Variants in GRAMD1B observed in about 807,000 individuals in gnomAD.
GRAMD1B encodes protein Aster-B.
Under a neutral mutation model 99.7 loss-of-function variants are expected in GRAMD1B, and 37 were observed. That is an observed-to-expected ratio of 0.37 (90% CI 0.29 to 0.49). The LOEUF is 0.49. Among genes scored for constraint, GRAMD1B ranks in the 20% least tolerant of loss-of-function variants. GRAMD1B has a pLI of 0.98. For missense variants in GRAMD1B, 888 were observed against 1,009.2 expected (o/e 0.88, Z 1.63); for synonymous variants, 427 against 387.6 (o/e 1.10, Z -1.19).
At position 123,383,234 on chromosome 11, in the gene GRAMD1B, C is replaced by G. The variant is rs556393682; in HGVS notation, c.-176+24435C>G. On this transcript the variant is annotated intron_variant, in intron 1 of 20. Coordinates refer to the GRAMD1B transcript ENST00000638157. ...TCTCTCTCTCTCTCTCTCTCTCTCT[C>G]TCATTTCACCTATTCTGCTTCTTTC... Among the ~76,000 whole-genome samples, 7 of 150,980 alleles carry G rather than the reference C, an allele frequency of 4.6e-5. No individual in the cohort carries two copies. In the East Asian group the frequency reaches 1.4e-3, roughly 29 times the overall value.
chr11:123,400,254 A>G (rs910646818), intron 1 of GRAMD1B, among the ~76,000 whole-genome samples: 3 of 152,168 alleles, frequency 2.0e-5, no homozygotes, highest in Non-Finnish European at 1.5e-5. Flanking sequence ...AGGCAGGCAG[A>G]TCACCTGAGG....
intron 2 of GRAMD1B, among the ~76,000 whole-genome samples, chr11:123,485,946 C>CCTCAAGCAATCCACCTGCCT (rs1268682233): frequency 6.6e-6 from 1 of 152,072 alleles, no homozygotes; most frequent in East Asian, 1.9e-4. Flanking sequence ...GAACTCCTGA[C>CCTCAAGCAATCCACCTGCCT]CTCAAGCAAT....
intron 1 of GRAMD1B, among the ~76,000 whole-genome samples, chr11:123,437,434 G>A (rs1949212673): frequency 6.6e-6 from 1 of 152,164 alleles, no homozygotes; most frequent in Non-Finnish European, 1.5e-5. Context: ...CGACGGGTGA[G>A]TGAGTTGGGT....
chr11:123,562,234 C>G (rs535114497), intron 2 of GRAMD1B, among the ~76,000 whole-genome samples: 1 of 152,126 alleles, frequency 6.6e-6, no homozygotes, highest in Non-Finnish European at 1.5e-5. Context: ...TCCCACACCC[C>G]CTCCCTGCTT....
Position 123,490,058 on chromosome 11 carries a change from C to T in GRAMD1B, c.452+9165C>T, listed in dbSNP as rs372163597. Among the ~76,000 whole-genome samples, 36 of 152,172 alleles carry T rather than the reference C, an allele frequency of 2.4e-4. 2 individuals carry two copies. Among genetic ancestry groups the T allele is most frequent in the Admixed American group, 1.2e-3 (19 of 15,288 alleles). ...CCAGTCTGGGCGTAGAGCAAGCCCC[C>T]GTCTCAAAAAAGTAAAGAAAGAGCA... On this transcript the variant is annotated intron_variant, in intron 2 of 19. Coordinates refer to ENST00000635736, the MANE Select transcript of GRAMD1B (RefSeq NM_001387025.1).
intron 1 of GRAMD1B, among the ~76,000 whole-genome samples, chr11:123,470,469 G>C (rs895443280): frequency 6.6e-6 from 1 of 150,778 alleles, no homozygotes; most frequent in Admixed American, 6.6e-5. Flanking sequence ...ACAGGCATGA[G>C]CAACCATGCC....
chr11:123,584,298 T>C lies in GRAMD1B; in HGVS notation c.664-14T>C. 1.0e-6 allele frequency: 1 copy of C among 990,188 alleles called. No homozygotes were observed. The highest frequency in any genetic ancestry group is 1.3e-6 in the Non-Finnish European group (1 of 770,718). 61.3% of individuals were successfully genotyped at this position (990,188 alleles called of 1,614,324 possible). On this transcript the variant is annotated splice_polypyrimidine_tract_variant and intron_variant, in intron 3 of 19. Coordinates refer to ENST00000635736, the MANE Select transcript of GRAMD1B (RefSeq NM_001387025.1). ...CTGACTAATTCTACCTTCTCTTTCA[T>C]TTTCTCTTTTCAGAAAAGCCAGAGT...
At chr11:123,439,916 T>C (rs762919463) in intron 1 of GRAMD1B, among the ~76,000 whole-genome samples, 6 of 152,186 alleles carry the variant, frequency 3.9e-5, no homozygotes, top group Non-Finnish European at 5.9e-5. Flanking sequence ...CAGGAAATGA[T>C]GGAGCTGAGG....
chr11:123,488,930 A>G (rs2846317), intron 2 of GRAMD1B, among the ~76,000 whole-genome samples: 64,709 of 148,008 alleles, frequency 0.44, 15,821 homozygotes, highest in African/African-American at 0.68. Context: ...GAAAATAGTT[A>G]GGGGGGGGCG....
rs1166793490 is a variant in GRAMD1B, at chr11:123,539,188, A to G, written c.453-38179A>G. Among the ~76,000 whole-genome samples, 3 of 152,174 alleles carry G rather than the reference A, an allele frequency of 2.0e-5. No homozygotes were observed. The East Asian group carries it at 5.8e-4, about 30-fold the overall frequency. On this transcript the variant is annotated intron_variant, in intron 2 of 19. Coordinates refer to ENST00000635736, the MANE Select transcript of GRAMD1B (RefSeq NM_001387025.1). ...TGTTACAATGAACCATAATCATGCT[A>G]CTATACTCTAGCCAGGGTGACAGGG...
chr11:123,504,737 C>T (rs1591739943), intron 2 of GRAMD1B, among the ~76,000 whole-genome samples: 2 of 152,202 alleles, frequency 1.3e-5, no homozygotes, highest in South Asian at 4.2e-4. Context: ...CCTGGAGTGC[C>T]ATGGTGCAAT....
At chr11:123,392,461 A>G (rs1336450909) in intron 1 of GRAMD1B, among the ~76,000 whole-genome samples, 2 of 151,632 alleles carry the variant, frequency 1.3e-5, no homozygotes, top group African/African-American at 4.8e-5. Context: ...AGGTTGGTTG[A>G]CTCAGATTAC....
At chr11:123,545,230 G>A (rs576176736) in intron 2 of GRAMD1B, among the ~76,000 whole-genome samples, 4 of 152,330 alleles carry the variant, frequency 2.6e-5, no homozygotes, top group African/African-American at 9.6e-5. Flanking sequence ...TGAAGTGGGA[G>A]GACTGCAGGC....
intron 1 of GRAMD1B, among the ~76,000 whole-genome samples, chr11:123,370,107 G>T (rs1946472440): frequency 1.3e-5 from 2 of 151,666 alleles, no homozygotes; most frequent in South Asian, 4.2e-4. Context: ...TTGATGTCAG[G>T]AGTTCGAGAC....
At chr11:123,468,855 T>C (rs2846322) in intron 1 of GRAMD1B, among the ~76,000 whole-genome samples, 117,724 of 148,974 alleles carry the variant, frequency 0.79, 47,031 homozygotes, top group African/African-American at 0.89. Context: ...TGGGTGGTGG[T>C]CACCAAGGAA....
chr11:123,481,536 C>T (rs1951608891), intron 2 of GRAMD1B, among the ~76,000 whole-genome samples: 2 of 152,244 alleles, frequency 1.3e-5, no homozygotes, highest in South Asian at 4.2e-4. Context: ...CAATGTGGGT[C>T]AGGAGGTGAA....
At chr11:123,436,760 T>C (rs1949178445) in intron 1 of GRAMD1B, among the ~76,000 whole-genome samples, 1 of 152,216 alleles carries the variant, frequency 6.6e-6, no homozygotes, top group African/African-American at 2.4e-5. Context: ...GGCACAATTT[T>C]TTTTTATTAT....
intron 1 of GRAMD1B, among the ~76,000 whole-genome samples, chr11:123,447,093 T>G (rs1212372936): frequency 6.6e-6 from 1 of 152,078 alleles, no homozygotes; most frequent in African/African-American, 2.4e-5. Context: ...GCATATGGCA[T>G]TCAGACTAAA....
chr11:123,576,395 T>G (rs543344947), intron 2 of GRAMD1B, among the ~76,000 whole-genome samples: 1 of 152,326 alleles, frequency 6.6e-6, no homozygotes, highest in South Asian at 2.1e-4. Context: ...TGCTGGCACT[T>G]TCTACTTAGC....
Sources: allele counts gnomAD v4.1 joint callset (sites outside exome capture counted in the v4.1 genomes callset), GRCh38; gene constraint gnomAD v4.1.1; transcripts MANE v1.5; gene names NCBI Gene and HGNC (gene_info 2026-07-23, HGNC 2026-07-21).